SLC24A5: variants seen among roughly 807,000 people sequenced by gnomAD.
The protein encoded by SLC24A5 is solute carrier family 24 member 5, also known as sodium/potassium/calcium exchanger 5.
Under a neutral mutation model 51.6 loss-of-function variants are expected in SLC24A5, and 46 were observed. The ratio of observed to expected loss-of-function variants is 0.89; its 90% CI spans 0.70 to 1.14. The LOEUF (loss-of-function observed/expected upper bound fraction) is 1.14. SLC24A5 is among the 50% of genes most tolerant of loss of function. The probability of loss-of-function intolerance (pLI) is 0.00; values close to 1 mark genes in which losing one functional copy is unlikely to be tolerated. For missense variants in SLC24A5, 581 were observed against 604.1 expected, an observed-to-expected ratio of 0.96 and a Z score of 0.40; for synonymous variants, 230 against 214.9, an observed-to-expected ratio of 1.07 and a Z score of -0.62.
chr15:48,140,687 T>C, intron 7 of SLC24A5: 1 of 168,444 alleles, frequency 5.9e-6, no homozygotes, highest in Non-Finnish European at 1.3e-5. Context: ...TATATATACA[T>C]GTTAACACAT....
At position 48,134,403 on chromosome 15, in the gene SLC24A5, C is replaced by T. The variant is rs756110623; in HGVS notation, c.386-32C>T. On this transcript the variant is annotated intron_variant, in intron 3 of 8. Coordinates refer to ENST00000341459, the MANE Select transcript of SLC24A5 (RefSeq NM_205850.3). ...GTGATTTTTATTTTCTTCAAGTTAA[C>T]ACTAACTTAGCTGGTACTATCTTGC... 7 of 1,606,196 alleles carry T rather than the reference C, an allele frequency of 4.4e-6. No individual in the cohort carries two copies. The Admixed American group carries it at 1.0e-4, about 23-fold the overall frequency.
In SLC24A5 at chr15:48,141,108, T is replaced by C; in HGVS notation, c.1079-5T>C. The C allele has an allele frequency of 6.2e-7, 1 of 1,607,010 alleles. No homozygotes were observed. Among genetic ancestry groups the C allele is most frequent in the Non-Finnish European group, 8.5e-7 (1 of 1,173,948 alleles). ...TTTGTAACTTGAAATATCTGTTTAT[T>C]ACAGGGGAAACACTAGAAATTCCCG... is the stretch of plus-strand genomic sequence containing the variant. On this transcript the variant is annotated splice_region_variant and splice_polypyrimidine_tract_variant and intron_variant, in intron 7 of 8. Transcript: ENST00000341459.
chr15:48,132,623 G>A (rs866009957), intron 2 of SLC24A5, among the ~76,000 whole-genome samples: 1 of 152,058 alleles, frequency 6.6e-6, no homozygotes, highest in Non-Finnish European at 1.5e-5. Context: ...GCTAAGCTAG[G>A]TAGTTCTCAC....
chr15:48,139,311 G>A, intron 7 of SLC24A5, 136 bp downstream of exon 7: 1 of 645,782 alleles, frequency 1.5e-6, no homozygotes, highest in Non-Finnish European at 2.6e-6. Flanking sequence ...TTTACAAAAT[G>A]ATTAAGTATT....
At chr15:48,126,369 T>C (rs1169034797) in intron 2 of SLC24A5, among the ~76,000 whole-genome samples, 5 of 152,204 alleles carry the variant, frequency 3.3e-5, no homozygotes, top group Non-Finnish European at 7.3e-5. Context: ...CATTTGGTTC[T>C]ACAGGAAAAG....
intron 6 of SLC24A5, chr15:48,137,770 T>A (rs559516291): frequency 6.6e-6 from 1 of 152,068 alleles, no homozygotes; most frequent in Non-Finnish European, 1.5e-5. Flanking sequence ...AACTGGGAAC[T>A]CAGAAAAAGG....
chr15:48,137,424 A>T (rs1395317153), intron 6 of SLC24A5: 2 of 152,960 alleles, frequency 1.3e-5, no homozygotes, highest in African/African-American at 4.8e-5. Context: ...AAAGGTAGAA[A>T]GGAATAGGAT....
chr15:48,122,169 T>C, intron 2 of SLC24A5, 133 bp downstream of exon 2: 2 of 920,684 alleles, frequency 2.2e-6, no homozygotes, highest in South Asian at 1.3e-5. Flanking sequence ...TGTTGTGGGG[T>C]CCCGTGTCTT....
At chr15:48,137,486 G>T (rs2038931026) in intron 6 of SLC24A5, 1 of 152,166 alleles carries the variant, frequency 6.6e-6, no homozygotes, top group Non-Finnish European at 1.5e-5. Flanking sequence ...TCTGAGGAGA[G>T]AAATTATTAG....
At chr15:48,122,071 G>T in intron 2 of SLC24A5, 35 bp downstream of exon 2, 1 of 1,601,428 alleles carries the variant, frequency 6.2e-7, no homozygotes, top group Non-Finnish European at 8.6e-7. Flanking sequence ...TAACCTTCTG[G>T]GAGAGTGTGC....
chr15:48,139,158 G>C lies in SLC24A5; in HGVS notation c.1061G>C (p.Trp354Ser). 6.2e-7 allele frequency: 1 copy of C among 1,611,402 alleles called. No individual in the cohort carries two copies. Among genetic ancestry groups the C allele is most frequent in the Non-Finnish European group, 8.5e-7 (1 of 1,178,426 alleles). ...TCCGCATTTACATATATCCTGGTTT[G>C]GATGGTCACAATAACTGGTATGTAT... ...WISAFTYILVWMVTITGETLE... is the reference protein window; with the variant it reads ...WISAFTYILVSMVTITGETLE... Residue 354 changes from tryptophan to serine, a missense_variant, in exon 7 of 9, where the codon TGG (tryptophan) becomes TCG (serine). Transcript: ENST00000341459.
intron 2 of SLC24A5, chr15:48,123,997 T>C (rs562504709): frequency 4.6e-5 from 7 of 152,120 alleles, no homozygotes; most frequent in East Asian, 3.8e-4. Flanking sequence ...CTCTTTCTTA[T>C]TGATTTTCAA....
intron 7 of SLC24A5, 160 bp from the exon 8 acceptor site, chr15:48,140,953 A>C (rs1170668482): frequency 1.9e-6 from 1 of 529,728 alleles, no homozygotes. Context: ...CCTGATTCAA[A>C]TATGTTGCTA....
At chr15:48,135,094 A>G in intron 5 of SLC24A5, 110 bp downstream of exon 5, 1 of 753,442 alleles carries the variant, frequency 1.3e-6, no homozygotes, top group Non-Finnish European at 2.2e-6. Context: ...TGCCACTTCT[A>G]TACCATATTC....
chr15:48,135,994 C>T (rs1318998322), intron 5 of SLC24A5: 1 of 152,148 alleles, frequency 6.6e-6, no homozygotes, highest in Non-Finnish European at 1.5e-5. Flanking sequence ...CAGAGATTCA[C>T]TGGCTATAAA....
chr15:48,129,426 T>C (rs1483491145), intron 2 of SLC24A5, among the ~76,000 whole-genome samples: 1 of 152,092 alleles, frequency 6.6e-6, no homozygotes, highest in Non-Finnish European at 1.5e-5. Context: ...GGACCCTAAA[T>C]TGTATGACTC....
chr15:48,121,015 G>A lies in SLC24A5; in HGVS notation c.-30G>A. On this transcript the variant is annotated 5_prime_UTR_variant, in exon 1 of 9. Coordinates refer to ENST00000341459, the MANE Select transcript of SLC24A5 (RefSeq NM_205850.3). ...AATCCTCCTCTTCTCCCTTCCTGAAGCTGCACGCTGCAGTAAGAGCACAGC... is the reference window on the plus strand; with the variant it reads ...AATCCTCCTCTTCTCCCTTCCTGAAACTGCACGCTGCAGTAAGAGCACAGC... The A allele has an allele frequency of 6.2e-7, 1 of 1,607,430 alleles. No homozygotes were observed. Among genetic ancestry groups the A allele is most frequent in the African/African-American group, 1.3e-5 (1 of 74,888 alleles).
intron 2 of SLC24A5, among the ~76,000 whole-genome samples, chr15:48,132,155 T>C (rs2038796900): frequency 6.6e-6 from 1 of 152,206 alleles, no homozygotes; most frequent in Non-Finnish European, 1.5e-5. Context: ...CTTCTGTTTC[T>C]TCACCACACA....
chr15:48,136,294 T>C (rs1338247763), intron 5 of SLC24A5: 3 of 155,662 alleles, frequency 1.9e-5, no homozygotes, highest in African/African-American at 7.2e-5. Context: ...AATTATTATG[T>C]ATGTTGGGGA....
Sources: gnomAD v4.1 joint callset for allele counts (sites outside exome capture counted in the v4.1 genomes callset) on GRCh38, gnomAD v4.1.1 for gene constraint, MANE v1.5 for transcripts, NCBI Gene and HGNC (gene_info 2026-07-23, HGNC 2026-07-21) for gene names.